PHIP: variants seen among roughly 807,000 people sequenced by gnomAD.
PHIP encodes the protein PHIP subunit of CUL4-Ring ligase complex.
PHIP carries 54 observed loss-of-function variants against 236.8 expected under a neutral mutation model. The ratio of observed to expected loss-of-function variants is 0.23; its 90% CI spans 0.18 to 0.29. The LOEUF is 0.29. Ranked by LOEUF, PHIP falls within the 10% of genes least tolerant of loss-of-function variation. The pLI, the probability that PHIP is intolerant of heterozygous loss-of-function variation, is 1.00. For synonymous variants in PHIP, 756 were observed against 718.9 expected, an observed-to-expected ratio of 1.05 and a Z score of -0.83; for missense variants, 1,370 against 2,190.8, an observed-to-expected ratio of 0.63 and a Z score of 7.48.
chr6:78,971,600 AT>A (rs1259125248), intron 24 of PHIP, among the ~76,000 whole-genome samples: 1 of 152,114 alleles, frequency 6.6e-6, no homozygotes. Context: ...TGATTTCTGC[AT>A]TTCCATCTGA....
chr6:78,992,194 C>T (rs767468223), intron 19 of PHIP, among the ~76,000 whole-genome samples: 1 of 152,016 alleles, frequency 6.6e-6, no homozygotes, highest in African/African-American at 2.4e-5. Context: ...GATCTCCTGA[C>T]CTCGTGATCC....
At chr6:79,074,812 T>C (rs561405089) in intron 4 of PHIP, among the ~76,000 whole-genome samples, 5 of 152,234 alleles carry the variant, frequency 3.3e-5, no homozygotes, top group Admixed American at 2.6e-4. Context: ...AATTCAACCA[T>C]TGCGATTGTA....
chr6:79,065,767 CACA>C (rs1357999543), intron 4 of PHIP, among the ~76,000 whole-genome samples: 3 of 54,958 alleles, frequency 5.5e-5, no homozygotes, highest in East Asian at 3.9e-4. Flanking sequence ...AACTATACCA[CACA>C]CACACACACA....
chr6:79,005,722 T>C (rs932902175), intron 15 of PHIP, among the ~76,000 whole-genome samples: 1 of 152,052 alleles, frequency 6.6e-6, no homozygotes, highest in Non-Finnish European at 1.5e-5. Flanking sequence ...GACTTGAAAG[T>C]AGTCCAATTT....
chr6:79,077,826 G>T (rs1355133134), intron 2 of PHIP, 29 bp downstream of exon 2: 4 of 1,355,584 alleles, frequency 3.0e-6, no homozygotes, highest in Non-Finnish European at 3.8e-6. Context: ...GGCGAGCGCC[G>T]GCCCGGCCCG....
chr6:79,036,023 C>T (rs1771912876), intron 7 of PHIP, among the ~76,000 whole-genome samples: 2 of 152,110 alleles, frequency 1.3e-5, no homozygotes, highest in East Asian at 1.9e-4. Context: ...AGAAACATTA[C>T]GGTAAGGAAT....
chr6:78,970,234 T>C, intron 25 of PHIP, 61 bp from the exon 26 acceptor site: 5 of 1,438,758 alleles, frequency 3.5e-6, no homozygotes, highest in Non-Finnish European at 4.8e-6. Context: ...AATAGACTGC[T>C]AAACATTGTT....
intron 15 of PHIP, among the ~76,000 whole-genome samples, chr6:79,011,880 T>C (rs1770596961): frequency 6.6e-6 from 1 of 151,606 alleles, no homozygotes; most frequent in Non-Finnish European, 1.5e-5. Flanking sequence ...AAAGTATAAG[T>C]CATGGCTTGA....
intron 10 of PHIP, among the ~76,000 whole-genome samples, chr6:79,018,069 G>A (rs1770920484): frequency 6.6e-6 from 1 of 151,762 alleles, no homozygotes; most frequent in African/African-American, 2.4e-5. Flanking sequence ...ATTCTACCTT[G>A]CATTACAGTT....
chr6:78,963,102 G>A lies in PHIP; in HGVS notation c.3530C>T (p.Thr1177Ile), dbSNP rs2127699090. 4 of 1,595,066 alleles carry A rather than the reference G, an allele frequency of 2.5e-6. No individual in the cohort carries two copies. In the East Asian group the frequency reaches 6.8e-5, roughly 27 times the overall value. ...RIVAGINQLM[T>I]LDIASAFVAP... ...TCGCGTGTTGCTTTACTTACCTAGT[G>A]TCATCAACTGGTTTATTCCTGCCAC... Residue 1177 changes from threonine to isoleucine, a missense_variant, in exon 30 of 40, where the codon ACA (threonine) becomes ATA (isoleucine). Coordinates refer to ENST00000275034, the MANE Select transcript of PHIP (RefSeq NM_017934.7).
At chr6:79,040,782 TGTAAG>T (rs1165726831) in intron 7 of PHIP, among the ~76,000 whole-genome samples, 1 of 152,126 alleles carries the variant, frequency 6.6e-6, no homozygotes, top group East Asian at 1.9e-4. Context: ...TATTTCTTAT[TGTAAG>T]GTAACATTCT....
At position 78,989,194 on chromosome 6, in the gene PHIP, C is replaced by T. The variant is rs1769060300; in HGVS notation, c.2320-845G>A. ...CTTTGGGAGGCCAATGTGGGAGAAT[C>T]CTGCTTTGGGGTCAGGAGTTTAAGA... On this transcript the variant is annotated intron_variant, in intron 20 of 39. Transcript: ENST00000275034. Among the ~76,000 whole-genome samples the T allele has an allele frequency of 7.2e-5, 11 of 152,154 alleles. No homozygotes were observed. The South Asian group carries it at 2.3e-3, about 32-fold the overall frequency.
At position 78,937,305 on chromosome 6, in the gene PHIP, T is replaced by C. The variant is rs1311291309; in HGVS notation, c.*3388A>G. ...TGGAATGTCAGAATTGAAGTAAACA[T>C]TGTTAACTGGAGAAATTAATTTATA... On this transcript the variant is annotated 3_prime_UTR_variant, in exon 40 of 40. Transcript: ENST00000275034. The C allele has an allele frequency of 6.6e-6, 1 of 151,742 alleles. No homozygotes were observed. Among genetic ancestry groups the C allele is most frequent in the Non-Finnish European group, 1.5e-5 (1 of 67,650 alleles). 9.4% of individuals were successfully genotyped at this position (151,742 alleles called of 1,614,324 possible). A position where few individuals can be genotyped will look rare whatever the true frequency, so the allele number is the denominator to read the frequency against.
At chr6:78,985,534 T>A in intron 21 of PHIP, 106 bp from the exon 22 acceptor site, 1 of 744,090 alleles carries the variant, frequency 1.3e-6, no homozygotes, top group Non-Finnish European at 2.4e-6. Flanking sequence ...TATTGGGATA[T>A]TTAAAATTTG....
intron 4 of PHIP, among the ~76,000 whole-genome samples, chr6:79,065,993 AATTTAAATT>A (rs2127776348): frequency 1.3e-5 from 2 of 152,206 alleles, no homozygotes; most frequent in South Asian, 4.1e-4. Flanking sequence ...TTAAGCTTTT[AATTTAAATT>A]AGCTTTTATT....
At chr6:79,051,443 T>C (rs761095995) in intron 6 of PHIP, among the ~76,000 whole-genome samples, 4 of 152,170 alleles carry the variant, frequency 2.6e-5, no homozygotes, top group Admixed American at 6.6e-5. Flanking sequence ...CTGAGCAACA[T>C]AGCACCCATG....
chr6:78,963,321 T>A, intron 29 of PHIP, 69 bp from the exon 30 acceptor site: 1 of 1,236,190 alleles, frequency 8.1e-7, no homozygotes, highest in South Asian at 1.5e-5. Flanking sequence ...CTTTAGAATG[T>A]AAAAATAACA....
chr6:79,029,249 T>C (rs185111731), intron 7 of PHIP, among the ~76,000 whole-genome samples: 5 of 152,176 alleles, frequency 3.3e-5, no homozygotes, highest in Non-Finnish European at 5.9e-5. Flanking sequence ...CCCCTACCCC[T>C]AATTCTACCC....
chr6:78,959,597 T>C lies in PHIP; in HGVS notation c.3657-997A>G, dbSNP rs114590065. On this transcript the variant is annotated intron_variant, in intron 31 of 39. Transcript: ENST00000275034. ...AAGCAAAAACCTACTTACATTGTAT[T>C]GAATGTAATACATTGAAGTCATCAT... 6.3e-3 allele frequency among the ~76,000 whole-genome samples: 964 copies of C among 152,258 alleles called. 19 individuals carry two copies. The highest frequency in any genetic ancestry group is 0.022 in the African/African-American group (908 of 41,554).
Sources: allele counts gnomAD v4.1 joint callset (sites outside exome capture counted in the v4.1 genomes callset), GRCh38; gene constraint gnomAD v4.1.1; transcripts MANE v1.5; gene names NCBI Gene and HGNC (gene_info 2026-07-23, HGNC 2026-07-21).